AFG2A: variants seen among roughly 807,000 people sequenced by gnomAD.
AFG2A encodes ATPase family gene 2 protein homolog A.
the AFG2A span, chr4:123,314,108 A>T: frequency 6.9e-7 from 1 of 1,444,858 alleles, no homozygotes; most frequent in South Asian, 1.6e-5. Context: ...TTCCAGAGAA[A>T]ATTTGTTTCT....
At chr4:122,923,151 C>T in the AFG2A span, 1 of 1,614,180 alleles carries the variant, frequency 6.2e-7, no homozygotes, top group Non-Finnish European at 8.5e-7. Context: ...CCATGTCTTC[C>T]AAGAAGAATA....
At chr4:123,154,780 G>A in the AFG2A span, among the ~76,000 whole-genome samples, 1 of 152,130 alleles carries the variant, frequency 6.6e-6, no homozygotes, top group Admixed American at 6.6e-5. Flanking sequence ...CCTAGTGCTT[G>A]ACATATATAT....
chr4:123,216,770 T>C, the AFG2A span, among the ~76,000 whole-genome samples: 4 of 151,732 alleles, frequency 2.6e-5, no homozygotes, highest in East Asian at 5.8e-4. Context: ...GTCTTTTGCC[T>C]CAGCCTTCTG....
chr4:123,060,711 G>T, the AFG2A span, among the ~76,000 whole-genome samples: 1 of 152,136 alleles, frequency 6.6e-6, no homozygotes, highest in African/African-American at 2.4e-5. Context: ...GAAGGTCTCT[G>T]ATCTTCCCTG....
the AFG2A span, among the ~76,000 whole-genome samples, chr4:123,142,669 A>G: frequency 1.3e-5 from 2 of 152,228 alleles, no homozygotes; most frequent in South Asian, 4.1e-4. Context: ...AGTTCTTTAG[A>G]TGCTCTCTCA....
the AFG2A span, among the ~76,000 whole-genome samples, chr4:122,999,969 C>A: frequency 6.4e-4 from 97 of 152,010 alleles, 1 homozygote; most frequent in African/African-American, 2.1e-3. Flanking sequence ...TTCTTTGTAT[C>A]TTTATTTCCT....
At chr4:123,318,719 G>A in the AFG2A span, 1 of 150,254 alleles carries the variant, frequency 6.7e-6, no homozygotes. Flanking sequence ...GAACTCAGGA[G>A]TTTGAATCCA....
the AFG2A span, among the ~76,000 whole-genome samples, chr4:123,226,625 A>T: frequency 6.6e-6 from 1 of 152,278 alleles, no homozygotes; most frequent in East Asian, 1.9e-4. Flanking sequence ...TATTTTATTG[A>T]AGATTTTTGC....
the AFG2A span, among the ~76,000 whole-genome samples, chr4:123,104,228 T>C: frequency 6.6e-6 from 1 of 152,180 alleles, no homozygotes. Context: ...TTATTATTAT[T>C]ATGTTATCTT....
chr4:123,089,915 AT>A, the AFG2A span, among the ~76,000 whole-genome samples: 1 of 151,992 alleles, frequency 6.6e-6, no homozygotes, highest in African/African-American at 2.4e-5. Context: ...ATATTTAGTA[AT>A]TTTTTTGTGG....
the AFG2A span, among the ~76,000 whole-genome samples, chr4:123,149,048 C>T: frequency 1.3e-5 from 2 of 152,122 alleles, no homozygotes; most frequent in East Asian, 1.9e-4. Context: ...GGATTATAGG[C>T]GTGAGCCACG....
At chr4:123,048,815 G>T in the AFG2A span, among the ~76,000 whole-genome samples, 1 of 152,056 alleles carries the variant, frequency 6.6e-6, no homozygotes, top group African/African-American at 2.4e-5. Flanking sequence ...CTGCAAACAA[G>T]CACAATTTGA....
the AFG2A span, among the ~76,000 whole-genome samples, chr4:123,113,318 G>A: frequency 1.3e-5 from 2 of 152,118 alleles, no homozygotes; most frequent in Admixed American, 1.3e-4. Context: ...GAGACAGGCT[G>A]CTAATAGGAT....
the AFG2A span, among the ~76,000 whole-genome samples, chr4:123,071,514 C>T: frequency 6.6e-6 from 1 of 151,334 alleles, no homozygotes; most frequent in Non-Finnish European, 1.5e-5. Context: ...TCACTTGTTT[C>T]TCTTATTCTG....
At chr4:123,082,406 G>A in the AFG2A span, among the ~76,000 whole-genome samples, 9 of 151,942 alleles carry the variant, frequency 5.9e-5, no homozygotes, top group Non-Finnish European at 1.2e-4. Context: ...CCCTTGTATT[G>A]CCTTTGCTAC....
At chr4:123,068,977 C>T in the AFG2A span, among the ~76,000 whole-genome samples, 1 of 152,116 alleles carries the variant, frequency 6.6e-6, no homozygotes, top group Non-Finnish European at 1.5e-5. Flanking sequence ...TCTCAAAGAA[C>T]TCCAAAAAGA....
At chr4:123,009,977 A>G in the AFG2A span, among the ~76,000 whole-genome samples, 8 of 152,186 alleles carry the variant, frequency 5.3e-5, no homozygotes, top group Non-Finnish European at 1.2e-4. Context: ...AGTGGTGTCA[A>G]GATCGCTGTG....
chr4:123,038,781 A>G, the AFG2A span, among the ~76,000 whole-genome samples: 1 of 152,092 alleles, frequency 6.6e-6, no homozygotes, highest in Non-Finnish European at 1.5e-5. Context: ...CAGATTTTCA[A>G]GTTAGAGTTT....
chr4:123,036,315 T>C, the AFG2A span, among the ~76,000 whole-genome samples: 1 of 152,084 alleles, frequency 6.6e-6, no homozygotes, highest in South Asian at 2.1e-4. Context: ...GATAAAAATT[T>C]TTACTGTCAA....
Sources: gnomAD v4.1 joint callset for allele counts (sites outside exome capture counted in the v4.1 genomes callset) on GRCh38, gnomAD v4.1.1 for gene constraint, MANE v1.5 for transcripts, NCBI Gene and HGNC (gene_info 2026-07-23, HGNC 2026-07-21) for gene names.